Variants in ST8SIA2 observed in about 807,000 individuals in gnomAD.
ST8SIA2 encodes the protein alpha-2,8-sialyltransferase 8B.
In ST8SIA2, 22 loss-of-function variants were observed where a neutral mutation model predicts 37.6. The observed-to-expected ratio is 0.58, with a 90% CI of 0.42 to 0.83. ST8SIA2 has a LOEUF of 0.83. Ranked by LOEUF, ST8SIA2 falls within the 40% of genes least tolerant of loss-of-function variation. The probability of loss-of-function intolerance (pLI) is 0.00; values close to 1 mark genes in which losing one functional copy is unlikely to be tolerated. For synonymous variants in ST8SIA2, 205 were observed against 201.2 expected (o/e 1.02, Z -0.16); for missense variants, 382 against 484.7 (o/e 0.79, Z 1.99).
intron 5 of ST8SIA2, among the ~76,000 whole-genome samples, chr15:92,452,927 C>T (rs1315771528): frequency 6.6e-6 from 1 of 152,038 alleles, no homozygotes; most frequent in Non-Finnish European, 1.5e-5. Flanking sequence ...AAATTCAACC[C>T]GTAACAGCTG....
chr15:92,414,506 C>G (rs1309354609), intron 1 of ST8SIA2, among the ~76,000 whole-genome samples: 1 of 152,238 alleles, frequency 6.6e-6, no homozygotes, highest in East Asian at 1.9e-4. Flanking sequence ...CAAATCCCGC[C>G]TAGAGCTCCC....
intron 5 of ST8SIA2, among the ~76,000 whole-genome samples, chr15:92,452,510 G>A (rs1264899438): frequency 6.6e-6 from 1 of 152,186 alleles, no homozygotes; most frequent in Non-Finnish European, 1.5e-5. Context: ...TTTCTAAACA[G>A]GAGGAAAGGA....
chr15:92,418,352 C>T (rs2049603118), intron 1 of ST8SIA2, among the ~76,000 whole-genome samples: 1 of 150,180 alleles, frequency 6.7e-6, no homozygotes, highest in Non-Finnish European at 1.5e-5. Flanking sequence ...GTCTCAGCTA[C>T]TTGGGAGGCT....
At position 92,393,913 on chromosome 15, in the gene ST8SIA2, T is replaced by TGCCGCTGCCGCC. The variant is rs1216437765; in HGVS notation, c.-147_-136dup. 2.1e-5 allele frequency: 6 copies of TGCCGCTGCCGCC among 283,036 alleles called. No individual in the cohort carries two copies. The highest frequency in any genetic ancestry group is 3.6e-5 in the Non-Finnish European group (6 of 165,338). The allele number at this position is 283,036 out of a possible 1,614,324, so 17.5% of individuals were successfully genotyped here. A position where few individuals can be genotyped will look rare whatever the true frequency, so the allele number is the denominator to read the frequency against. ...CCCTGCCTGTCGCTGCCGCTGCCGC[T>TGCCGCTGCCGCC]GCCGCTGCCGCCGCCGGCCCGGACT... On this transcript the variant is annotated 5_prime_UTR_variant, in exon 1 of 6. Transcript: ENST00000268164.
At chr15:92,438,262 C>T (rs1290596013) in intron 3 of ST8SIA2, 91 bp from the exon 4 acceptor site, 18 of 1,587,140 alleles carry the variant, frequency 1.1e-5, no homozygotes, top group African/African-American at 2.7e-5. Context: ...CTGCAGCCAC[C>T]GTGCAGGGCG....
chr15:92,422,946 T>A (rs542427495), intron 1 of ST8SIA2, among the ~76,000 whole-genome samples: 1 of 152,222 alleles, frequency 6.6e-6, no homozygotes, highest in Non-Finnish European at 1.5e-5. Context: ...TCCTTAGAAC[T>A]GCCGTATCAA....
intron 1 of ST8SIA2, among the ~76,000 whole-genome samples, chr15:92,413,689 T>A (rs910884090): frequency 6.6e-6 from 1 of 152,228 alleles, no homozygotes; most frequent in Non-Finnish European, 1.5e-5. Flanking sequence ...AAATCTCCTG[T>A]CCACTTGTCA....
chr15:92,443,146 G>A (rs191708034), intron 4 of ST8SIA2, among the ~76,000 whole-genome samples: 31 of 152,336 alleles, frequency 2.0e-4, no homozygotes, highest in African/African-American at 6.7e-4. Context: ...GTACGTTCCT[G>A]GATTTCTTCG....
At position 92,464,598 on chromosome 15, in the gene ST8SIA2, G is replaced by C. The variant is rs2049980012; in HGVS notation, c.*213G>C. 1.6e-6 allele frequency: 1 copy of C among 610,680 alleles called. No homozygotes were observed. Among genetic ancestry groups the C allele is most frequent in the Middle Eastern group, 4.5e-4 (1 of 2,234 alleles). The allele number at this position is 610,680 out of a possible 1,614,324, so 37.8% of individuals were successfully genotyped here. On this transcript the variant is annotated 3_prime_UTR_variant, in exon 6 of 6. Coordinates refer to ENST00000268164, the MANE Select transcript of ST8SIA2 (RefSeq NM_006011.4). ...TGTGGTGTTCATCTAGCATTAGGCA[G>C]ATAGGCCACAGGAAGAAGGTGTGGA...
At chr15:92,445,879 T>C (rs977911254) in intron 5 of ST8SIA2, among the ~76,000 whole-genome samples, 1 of 152,182 alleles carries the variant, frequency 6.6e-6, no homozygotes, top group African/African-American at 2.4e-5. Flanking sequence ...CTCCTCCTTG[T>C]TTCCTCCCAT....
rs556702061 is a variant in ST8SIA2 at position 92,457,413 on chromosome 15, G to A, written c.843-6687G>A. The stretch of plus-strand genomic sequence containing the variant: ...ATTGCTGTCCGTGCTCATAAAATAC[G>A]GTGCTTAATTGTCATGGCATTTGGG... On this transcript the variant is annotated intron_variant, in intron 5 of 5. Coordinates refer to ENST00000268164, the MANE Select transcript of ST8SIA2 (RefSeq NM_006011.4). Among the ~76,000 whole-genome samples the A allele has an allele frequency of 3.2e-4, 48 of 152,250 alleles. No individual in the cohort carries two copies. In the South Asian group the frequency reaches 4.6e-3, roughly 14 times the overall value.
chr15:92,410,513 T>G (rs2049541124), intron 1 of ST8SIA2, among the ~76,000 whole-genome samples: 1 of 152,166 alleles, frequency 6.6e-6, no homozygotes, highest in South Asian at 2.1e-4. Context: ...CACAGCAGGA[T>G]TGGTGTTCCC....
At chr15:92,452,780 T>C (rs917650173) in intron 5 of ST8SIA2, among the ~76,000 whole-genome samples, 1 of 152,188 alleles carries the variant, frequency 6.6e-6, no homozygotes, top group Non-Finnish European at 1.5e-5. Flanking sequence ...AAATGTTGAC[T>C]TCTCAGAACA....
chr15:92,466,401 G>A lies in ST8SIA2; in HGVS notation c.*2016G>A, dbSNP rs900299583. 1 of 152,132 alleles carries A rather than the reference G, an allele frequency of 6.6e-6. No homozygotes were observed. The highest frequency in any genetic ancestry group is 1.5e-5 in the Non-Finnish European group (1 of 68,028). The allele number at this position is 152,132 out of a possible 1,614,324, so 9.4% of individuals were successfully genotyped here. A position where few individuals can be genotyped will look rare whatever the true frequency, so the allele number is the denominator to read the frequency against. On this transcript the variant is annotated 3_prime_UTR_variant, in exon 6 of 6. Coordinates refer to ENST00000268164, the MANE Select transcript of ST8SIA2 (RefSeq NM_006011.4). ...TAATTTCTAAAGCTTGAAGTGCCCC[G>A]AGGAGCAGGTAGAATTTCCAGCAGG...
At position 92,438,511 on chromosome 15, in the gene ST8SIA2, A is replaced by G; in HGVS notation, c.449A>G (p.Lys150Arg). 6.2e-7 allele frequency: 1 copy of G among 1,614,202 alleles called. No individual in the cohort carries two copies. Among genetic ancestry groups the G allele is most frequent in the Non-Finnish European group, 8.5e-7 (1 of 1,180,034 alleles). The change falls in exon 4 of 6, where the codon AAG becomes AGG. Residue 150 changes from lysine (K) to arginine (R), a missense_variant. Physicochemically the swap from Lys to Arg is conservative, Grantham distance 26 (BLOSUM62 2). Transcript: ENST00000268164. ...YELLPRTSPL[K>R]NKHFGTCAIV... ...CTCCTCCCCAGGACTTCGCCACTGA[A>G]GAATAAGCACTTTGGGACTTGTGCC...
At chr15:92,403,146 C>A (rs1173580596) in intron 1 of ST8SIA2, among the ~76,000 whole-genome samples, 1 of 152,136 alleles carries the variant, frequency 6.6e-6, no homozygotes, top group Non-Finnish European at 1.5e-5. Context: ...CTCAACCTTC[C>A]CAAGCACCCT....
intron 1 of ST8SIA2, among the ~76,000 whole-genome samples, chr15:92,414,276 G>A (rs942196794): frequency 5.3e-5 from 8 of 152,182 alleles, no homozygotes; most frequent in South Asian, 4.1e-4. Context: ...TCTGCCTCTC[G>A]GATCTGACTG....
chr15:92,421,880 A>G (rs996816771), intron 1 of ST8SIA2, among the ~76,000 whole-genome samples: 2 of 152,238 alleles, frequency 1.3e-5, no homozygotes, highest in African/African-American at 4.8e-5. Context: ...ATAACTTTGA[A>G]TCCTAATTAA....
chr15:92,435,672 G>T (rs1312846068), intron 3 of ST8SIA2, among the ~76,000 whole-genome samples: 2 of 152,076 alleles, frequency 1.3e-5, no homozygotes, highest in Admixed American at 1.3e-4. Context: ...TGAGCTCTGG[G>T]GACCTAGCAG....
Sources: gnomAD v4.1 joint callset for allele counts (sites outside exome capture counted in the v4.1 genomes callset) on GRCh38, gnomAD v4.1.1 for gene constraint, MANE v1.5 for transcripts, NCBI Gene and HGNC (gene_info 2026-07-23, HGNC 2026-07-21) for gene names.